Variants in ZBTB17 observed in about 807,000 individuals in gnomAD.
ZBTB17 encodes zinc finger and BTB domain containing 17.
ZBTB17 carries 24 observed loss-of-function variants against 85.1 expected under a neutral mutation model. The observed-to-expected ratio is 0.28, with a 90% CI of 0.20 to 0.40. The LOEUF is 0.40. ZBTB17 is among the 10% of genes least tolerant of loss of function. ZBTB17 has a pLI of 1.00. For synonymous variants in ZBTB17, 464 were observed against 460.2 expected (o/e 1.01, Z -0.11); for missense variants, 743 against 1,105.1 (o/e 0.67, Z 4.65).
chr1:15,975,391 A>G (rs568100553), intron 1 of ZBTB17, among the ~76,000 whole-genome samples: 1 of 152,132 alleles, frequency 6.6e-6, no homozygotes, highest in Non-Finnish European at 1.5e-5. Flanking sequence ...CACGGTTCAC[A>G]CTCCTAACTC....
intron 2 of ZBTB17, among the ~76,000 whole-genome samples, chr1:15,968,407 C>A (rs1339508145): frequency 6.6e-6 from 1 of 152,176 alleles, no homozygotes; most frequent in Non-Finnish European, 1.5e-5. Context: ...ATAAATAAGA[C>A]CCTGTCCTGC....
At chr1:15,965,826 G>A (rs879373679) in intron 2 of ZBTB17, among the ~76,000 whole-genome samples, 11 of 152,156 alleles carry the variant, frequency 7.2e-5, no homozygotes, top group South Asian at 2.1e-4. Context: ...AGAATTAAAC[G>A]GTACATTGTT....
intron 6 of ZBTB17, 41 bp from the exon 7 acceptor site, chr1:15,945,243 T>C (rs754248208): frequency 1.9e-6 from 3 of 1,544,466 alleles, no homozygotes; most frequent in Non-Finnish European, 2.6e-6. Context: ...CAGCCCTCTC[T>C]GCCTGAGCGC....
At chr1:15,967,810 T>G (rs1264332863) in intron 2 of ZBTB17, among the ~76,000 whole-genome samples, 1 of 152,208 alleles carries the variant, frequency 6.6e-6, no homozygotes, top group East Asian at 1.9e-4. Flanking sequence ...CTGAGGAAAC[T>G]GAGGGTTAGA....
chr1:15,963,656 C>T (rs2072335927), intron 2 of ZBTB17, among the ~76,000 whole-genome samples: 2 of 152,160 alleles, frequency 1.3e-5, no homozygotes, highest in African/African-American at 4.8e-5. Flanking sequence ...AAAAGGACTA[C>T]AGCCCAAATT....
At chr1:15,970,695 C>T (rs2072619087) in intron 2 of ZBTB17, among the ~76,000 whole-genome samples, 1 of 152,138 alleles carries the variant, frequency 6.6e-6, no homozygotes, top group Non-Finnish European at 1.5e-5. Flanking sequence ...ATTACAGGCG[C>T]CTGCCACTGC....
In ZBTB17 at chr1:15,946,266, C is replaced by T; in HGVS notation, c.423G>A (p.Lys141=). Residue 141 remains lysine, a synonymous_variant, in exon 5 of 16, where the codon AAG becomes AAA. Coordinates refer to ENST00000375743, the MANE Select transcript of ZBTB17 (RefSeq NM_003443.3). ...GCCTGCTCAGCGTGCTGGTGGCCACCTTCTCCTCTTTGGCTCTCTTGTCCC... is the reference window on the plus strand; with the variant it reads ...GCCTGCTCAGCGTGCTGGTGGCCACTTTCTCCTCTTTGGCTCTCTTGTCCC... The part of the protein sequence containing the change: ...EGGDKRAKEE[K]VATSTLSRLE... 1 of 1,613,870 alleles carries T rather than the reference C, an allele frequency of 6.2e-7. No individual in the cohort carries two copies. Among genetic ancestry groups the T allele is most frequent in the African/African-American group, 1.3e-5 (1 of 75,060 alleles).
chr1:15,943,368 T>C, intron 12 of ZBTB17, 31 bp downstream of exon 12: 1 of 1,581,398 alleles, frequency 6.3e-7, no homozygotes, highest in African/African-American at 1.3e-5. Flanking sequence ...GTGGGGTGTC[T>C]GGCCAGTGGG....
intron 1 of ZBTB17, among the ~76,000 whole-genome samples, chr1:15,975,061 C>G (rs2072814717): frequency 6.6e-6 from 1 of 152,238 alleles, no homozygotes; most frequent in Admixed American, 6.5e-5. Flanking sequence ...TGATGTGTCT[C>G]TACTCCGTGC....
intron 3 of ZBTB17, chr1:15,948,076 T>TG (rs2071687498): frequency 1.6e-6 from 1 of 623,472 alleles, no homozygotes; most frequent in African/African-American, 1.8e-5. Flanking sequence ...GAGCCCTTCC[T>TG]GCCCGTTCTC....
At chr1:15,945,576 T>A (rs1315843250) in intron 6 of ZBTB17, 139 bp downstream of exon 6, 6 of 1,242,728 alleles carry the variant, frequency 4.8e-6, no homozygotes, top group Non-Finnish European at 6.6e-6. Flanking sequence ...AAGACCAAGG[T>A]GTCCCAAAGC....
At chr1:15,943,017 G>A (rs1356138812) in intron 13 of ZBTB17, 47 bp downstream of exon 13, 4 of 1,607,182 alleles carry the variant, frequency 2.5e-6, no homozygotes, top group South Asian at 1.1e-5. Context: ...TCCCCACCTG[G>A]CAGCAGGGCC....
At chr1:15,963,772 T>A (rs186589336) in intron 2 of ZBTB17, among the ~76,000 whole-genome samples, 133 of 152,200 alleles carry the variant, frequency 8.7e-4, no homozygotes, top group African/African-American at 3.2e-3. Flanking sequence ...TATATATAAG[T>A]GAGCAAACCT....
chr1:15,949,011 T>C (rs848218), intron 2 of ZBTB17, among the ~76,000 whole-genome samples: 37,001 of 152,106 alleles, frequency 0.24, 4,883 homozygotes, highest in Admixed American at 0.32. Context: ...CATCAGCCAG[T>C]GTTGCAGAAC....
chr1:15,946,784 C>A, intron 4 of ZBTB17, 151 bp downstream of exon 4: 1 of 1,009,600 alleles, frequency 9.9e-7, no homozygotes. Context: ...GGCAGAGAGG[C>A]CACCCTCAGA....
Position 15,941,910 on chromosome 1 carries a change from C to A in ZBTB17, c.*59G>T. Reference sequence around the variant, plus strand: ...TTTATTCTCTCTAGGGAACAGGCCACCCTTCCCGGTTCCAGGGTGCCATCC... The same window carrying A: ...TTTATTCTCTCTAGGGAACAGGCCAACCTTCCCGGTTCCAGGGTGCCATCC... On this transcript the variant is annotated 3_prime_UTR_variant, in exon 16 of 16. Coordinates refer to ENST00000375743, the MANE Select transcript of ZBTB17 (RefSeq NM_003443.3). The A allele has an allele frequency of 6.5e-7, 1 of 1,547,096 alleles. No homozygotes were observed. The highest frequency in any genetic ancestry group is 8.7e-7 in the Non-Finnish European group (1 of 1,150,204).
intron 2 of ZBTB17, among the ~76,000 whole-genome samples, chr1:15,968,041 GAGGCCAGAGACGCTACAGAAAC>G (rs1570204728): frequency 1.4e-5 from 2 of 141,890 alleles, no homozygotes; most frequent in Non-Finnish European, 3.3e-5. Context: ...TCTATGGGGA[GAGGCCAGAGACGCTACAGAAAC>G]CCACCCCCCA....
At position 15,942,689 on chromosome 1, in the gene ZBTB17, T is replaced by C. The variant is rs187920044; in HGVS notation, c.1878A>G (p.Val626=). The C allele has an allele frequency of 8.7e-5, 140 of 1,613,722 alleles. No individual in the cohort carries two copies. In the Admixed American group the frequency reaches 2.2e-3, roughly 25 times the overall value. ...CDKCGRGFNR[V]DNLRSHVKTV... Reference sequence around the variant, plus strand: ...TCTTCACGTGGGAGCGCAGGTTGTCTACCCGGTTGAAGCCACGCCCACACT... The same window carrying C: ...TCTTCACGTGGGAGCGCAGGTTGTCCACCCGGTTGAAGCCACGCCCACACT... The change falls in exon 14 of 16, where the codon GTA becomes GTG. Residue 626 remains valine, a synonymous_variant. Transcript: ENST00000375743.
intron 2 of ZBTB17, among the ~76,000 whole-genome samples, chr1:15,956,673 T>C (rs1316123228): frequency 6.6e-6 from 1 of 152,154 alleles, no homozygotes; most frequent in Non-Finnish European, 1.5e-5. Flanking sequence ...GCCTATAAAT[T>C]AGGAAACAGA....
Sources: gnomAD v4.1 joint callset for allele counts (sites outside exome capture counted in the v4.1 genomes callset) on GRCh38, gnomAD v4.1.1 for gene constraint, MANE v1.5 for transcripts, NCBI Gene and HGNC (gene_info 2026-07-23, HGNC 2026-07-21) for gene names.